Variants in RNF19B observed in about 807,000 individuals in gnomAD.
RNF19B encodes the protein E3 ubiquitin-protein ligase RNF19B.
A neutral mutation model predicts 65.5 loss-of-function variants in RNF19B; 23 were observed. That is an observed-to-expected ratio of 0.35 (90% CI 0.25 to 0.50). RNF19B has a LOEUF of 0.50. Among genes scored for constraint, RNF19B ranks in the 20% least tolerant of loss-of-function variants. The pLI is 0.98. For synonymous variants in RNF19B, 372 were observed against 379.6 expected (o/e 0.98, Z 0.23); for missense variants, 794 against 980.0 (o/e 0.81, Z 2.53).
intron 1 of RNF19B, among the ~76,000 whole-genome samples, chr1:32,959,443 G>A (rs549666934): frequency 5.3e-5 from 8 of 152,060 alleles, no homozygotes; most frequent in African/African-American, 1.7e-4. Flanking sequence ...CCTGACTTCG[G>A]GGTTTCTGAA....
At chr1:32,960,828 C>G (rs1158883557) in intron 1 of RNF19B, among the ~76,000 whole-genome samples, 1 of 151,914 alleles carries the variant, frequency 6.6e-6, no homozygotes, top group Admixed American at 6.6e-5. Context: ...GAGACCCTAT[C>G]TCTACAAATA....
chr1:32,947,081 G>A (rs1156444310), intron 3 of RNF19B, among the ~76,000 whole-genome samples: 1 of 152,186 alleles, frequency 6.6e-6, no homozygotes, highest in African/African-American at 2.4e-5. Context: ...TACTTTTACA[G>A]TCAGCCCTTC....
At chr1:32,931,406 T>G in the RNF19B span, among the ~76,000 whole-genome samples, 1 of 152,118 alleles carries the variant, frequency 6.6e-6, no homozygotes, top group Admixed American at 6.6e-5. Flanking sequence ...GTATTCCCCT[T>G]TAAGACAACT....
At chr1:32,949,167 A>G (rs1167729461) in intron 2 of RNF19B, among the ~76,000 whole-genome samples, 1 of 152,140 alleles carries the variant, frequency 6.6e-6, no homozygotes, top group Non-Finnish European at 1.5e-5. Context: ...TTCAATCTGT[A>G]CTCTACTTCC....
Position 32,964,776 on chromosome 1 carries a change from C to T in RNF19B, c.-91G>A, listed in dbSNP as rs1642870693. ...AGCCAGCGCCCGGCCGCCGCCGACG[C>T]CGCCACCACCGCCTCAACCGCCCTC... On this transcript the variant is annotated 5_prime_UTR_variant, in exon 1 of 9. Transcript: ENST00000235150. This position sits in a 1 kb window ranked among gnomAD's most constrained non-coding sequence, Gnocchi z 6.5. 1.7e-6 allele frequency: 2 copies of T among 1,168,618 alleles called. No individual in the cohort carries two copies. Among genetic ancestry groups the T allele is most frequent in the African/African-American group, 1.7e-5 (1 of 60,600 alleles). The allele number at this position is 1,168,618 out of a possible 1,614,324, so 72.4% of individuals were successfully genotyped here. A position where few individuals can be genotyped will look rare whatever the true frequency, so the allele number is the denominator to read the frequency against.
chr1:32,932,242 C>G (rs1642036700), downstream of RNF19B, among the ~76,000 whole-genome samples: 1 of 152,194 alleles, frequency 6.6e-6, no homozygotes, highest in South Asian at 2.1e-4. Flanking sequence ...AATTAGGAGG[C>G]CACTACAGGT....
chr1:32,949,428 T>C (rs910805642), intron 2 of RNF19B, 141 bp downstream of exon 2: 1 of 648,678 alleles, frequency 1.5e-6, no homozygotes, highest in Non-Finnish European at 2.6e-6. Context: ...TATTATAATA[T>C]TGAAAGTATT....
At chr1:32,943,913 A>G (rs1219883606) in intron 6 of RNF19B, 106 bp downstream of exon 6, 2 of 1,155,832 alleles carry the variant, frequency 1.7e-6, no homozygotes, top group Non-Finnish European at 2.5e-6. Flanking sequence ...AAAGCTCATT[A>G]TCCAAAGTAA....
chr1:32,939,520 A>G (rs937445327), intron 7 of RNF19B, among the ~76,000 whole-genome samples: 4 of 152,166 alleles, frequency 2.6e-5, no homozygotes, highest in Non-Finnish European at 5.9e-5. Context: ...TAACTCCACA[A>G]AAGGAGAGAC....
chr1:32,938,447 G>C lies in RNF19B; in HGVS notation c.1692C>G (p.Ser564Arg). Residue 564 changes from serine (S) to arginine (R), a missense_variant, in exon 8 of 9, where the codon AGC becomes AGG. Physicochemically the swap from Ser to Arg is moderately radical, Grantham distance 110. Coordinates refer to ENST00000235150, the MANE Select transcript of RNF19B (RefSeq NM_001300826.2). ...TTATGGAACCGGCCATAGCACGAGT[G>C]CTTGCGTTGTCACTAATTGCACCAA... ...ASLGAISDNA[S>R]TRAMAGSIIS... 6.2e-7 allele frequency: 1 copy of C among 1,614,174 alleles called. No individual in the cohort carries two copies. Among genetic ancestry groups the C allele is most frequent in the Non-Finnish European group, 8.5e-7 (1 of 1,180,040 alleles).
chr1:32,946,720 G>A (rs933115922), intron 3 of RNF19B, among the ~76,000 whole-genome samples, 156 bp from the exon 4 acceptor site: 1 of 152,220 alleles, frequency 6.6e-6, no homozygotes, highest in African/African-American at 2.4e-5. Context: ...AAAGGACAAG[G>A]CCAGACTATT....
intron 1 of RNF19B, among the ~76,000 whole-genome samples, chr1:32,958,491 T>C (rs1642694356): frequency 6.6e-6 from 1 of 152,066 alleles, no homozygotes; most frequent in Non-Finnish European, 1.5e-5. Flanking sequence ...CTGAGATGGG[T>C]GGATCACGAG....
chr1:32,949,679 A>G lies in RNF19B; in HGVS notation c.731T>C (p.Ile244Thr). The G allele has an allele frequency of 6.2e-7, 1 of 1,613,958 alleles. No individual in the cohort carries two copies. Among genetic ancestry groups the G allele is most frequent in the Non-Finnish European group, 8.5e-7 (1 of 1,179,994 alleles). The change falls in exon 2 of 9, where the codon ATA becomes ACA. Residue 244 changes from isoleucine (I) to threonine (T), a missense_variant. Physicochemically the swap from Ile to Thr is moderately conservative, Grantham distance 89. Transcript: ENST00000235150. Reference protein sequence around the residue: ...QTEFCYHCKQIWHPNQTCDMA... With the variant: ...QTEFCYHCKQTWHPNQTCDMA... ...ATCGCATGTCTGATTTGGATGCCAT[A>G]TCTGCTTGCAGTGGTAGCAGAACTC...
At chr1:32,934,937 A>C (rs1642072177), downstream of RNF19B, among the ~76,000 whole-genome samples, 1 of 151,854 alleles carries the variant, frequency 6.6e-6, no homozygotes, top group Non-Finnish European at 1.5e-5. Flanking sequence ...AGTTCAAGTG[A>C]TTCTCCTGCC....
intron 1 of RNF19B, among the ~76,000 whole-genome samples, chr1:32,963,599 TC>T (rs928456567): frequency 2.6e-5 from 4 of 151,422 alleles, no homozygotes; most frequent in African/African-American, 9.7e-5. Flanking sequence ...GCGCCTGTAA[TC>T]CCAGCTACTC....
At chr1:32,958,417 C>A (rs1025178226) in intron 1 of RNF19B, among the ~76,000 whole-genome samples, 1 of 152,046 alleles carries the variant, frequency 6.6e-6, no homozygotes, top group Admixed American at 6.6e-5. Flanking sequence ...AAAATAAAAT[C>A]AAAAGATGGT....
chr1:32,937,116 C>T lies in RNF19B; in HGVS notation c.1886G>A (p.Gly629Asp). The change falls in exon 9 of 9, where the codon GGC becomes GAC. Residue 629 changes from glycine (G) to aspartate (D), a missense_variant. By Grantham distance (94) the Gly-to-Asp change is moderately conservative. This residue lies in a region of RNF19B where 368 missense variants were observed against 447.3 expected (regional missense o/e 0.82). Transcript: ENST00000235150. ...TCTGCAGGGGGGATCCTCTTCACTG[C>T]CTCCGCCACCACTACCTTCTTCTTC... The part of the protein sequence containing the change: ...ENEEEGSGGG[G>D]SEEDPPCRHQ... 1 of 1,614,202 alleles carries T rather than the reference C, an allele frequency of 6.2e-7. No individual in the cohort carries two copies. Among genetic ancestry groups the T allele is most frequent in the Non-Finnish European group, 8.5e-7 (1 of 1,180,032 alleles).
At position 32,964,238 on chromosome 1, in the gene RNF19B, G is replaced by C; in HGVS notation, c.448C>G (p.Leu150Val). The change falls in exon 1 of 9, where the codon CTG (leucine) becomes GTG (valine). Residue 150 changes from leucine (L) to valine (V), a missense_variant. Physicochemically the swap from Leu to Val is conservative, Grantham distance 32. This residue lies in a region of RNF19B where 374 missense variants were observed against 423.8 expected (regional missense o/e 0.88). Transcript: ENST00000235150. The surrounding 1 kb of genome is among the most constrained non-coding windows in gnomAD (Gnocchi z 6.5). The part of the protein sequence containing the change: ...RSCRDCLRHY[L>V]RLEISESRVP... ...CTGCTCTCGCTTATCTCCAGGCGCA[G>C]GTAGTGGCGGAGGCAGTCCCGGCAC... is the stretch of plus-strand genomic sequence containing the variant. 6.5e-7 allele frequency: 1 copy of C among 1,545,742 alleles called. No individual in the cohort carries two copies. Among genetic ancestry groups the C allele is most frequent in the Non-Finnish European group, 8.7e-7 (1 of 1,145,404 alleles).
At chr1:32,935,349 G>C (rs1642079292), downstream of RNF19B, among the ~76,000 whole-genome samples, 1 of 151,936 alleles carries the variant, frequency 6.6e-6, no homozygotes. Context: ...ATGTTGGCCA[G>C]GCTGGTCTCG....
Sources: gnomAD v4.1 joint callset for allele counts (sites outside exome capture counted in the v4.1 genomes callset) on GRCh38, gnomAD v4.1.1 for gene constraint, gnomAD v4.1.1 regional missense constraint, Gnocchi (gnomAD v3.1) non-coding constraint, MANE v1.5 for transcripts, NCBI Gene and HGNC (gene_info 2026-07-23, HGNC 2026-07-21) for gene names.